MTARC2: variants seen among roughly 807,000 people sequenced by gnomAD.
The protein encoded by MTARC2 is MOCO sulphurase C-terminal domain containing 2.
A neutral mutation model predicts 35.6 loss-of-function variants in MTARC2; 27 were observed. That is an observed-to-expected ratio of 0.76 (90% CI 0.56 to 1.04). MTARC2 has a LOEUF of 1.04. Ranked by LOEUF, MTARC2 falls within the 50% of genes least tolerant of loss-of-function variation. The probability of loss-of-function intolerance (pLI) is 0.00; values close to 1 mark genes in which losing one functional copy is unlikely to be tolerated. For synonymous variants in MTARC2, 158 were observed against 167.1 expected, an observed-to-expected ratio of 0.95 and a Z score of 0.42; for missense variants, 412 against 432.5, an observed-to-expected ratio of 0.95 and a Z score of 0.42.
chr1:220,781,205 T>C (rs1278168437), intron 6 of MTARC2, among the ~76,000 whole-genome samples: 1 of 152,194 alleles, frequency 6.6e-6, no homozygotes, highest in Non-Finnish European at 1.5e-5. Flanking sequence ...CTATTTTGTT[T>C]TTGATTTTTA....
chr1:220,780,336 C>T (rs1349091886), intron 6 of MTARC2, 97 bp downstream of exon 6: 17 of 1,062,138 alleles, frequency 1.6e-5, no homozygotes, highest in Non-Finnish European at 2.0e-5. Context: ...GAAGATATGA[C>T]CTTTCTCTCC....
chr1:220,758,096 T>G (rs1282602181), intron 2 of MTARC2, among the ~76,000 whole-genome samples: 2 of 152,156 alleles, frequency 1.3e-5, no homozygotes, highest in Admixed American at 1.3e-4. Flanking sequence ...GTGATTCTCC[T>G]GCCTCAGCCT....
In MTARC2 at chr1:220,761,679, A is replaced by T. The variant is rs546603284; in HGVS notation, c.468A>T (p.Lys156Asn). 2.9e-5 allele frequency: 47 copies of T among 1,612,896 alleles called. No individual in the cohort carries two copies. Among genetic ancestry groups the T allele is most frequent in the Non-Finnish European group, 3.6e-5 (43 of 1,179,726 alleles). The change falls in exon 3 of 8, where the codon AAA becomes AAT. Residue 156 changes from lysine to asparagine, a missense_variant. Lys to Asn is a moderately conservative substitution (Grantham distance 94). Coordinates refer to ENST00000366913, the MANE Select transcript of MTARC2 (RefSeq NM_017898.5). ...HNCRIFGLDI[K>N]GRDCGNEAAK... ...CCAGGATATTTGGCCTTGACATTAAAGGCAGAGACTGTGGCAATGAGGCAG... is the reference window on the plus strand; with the variant it reads ...CCAGGATATTTGGCCTTGACATTAATGGCAGAGACTGTGGCAATGAGGCAG...
intron 7 of MTARC2, 114 bp from the exon 8 acceptor site, chr1:220,783,805 C>A (rs1672144822): frequency 2.8e-6 from 2 of 704,106 alleles, no homozygotes; most frequent in African/African-American, 1.8e-5. Flanking sequence ...CACAGCACTG[C>A]ACCATACATT....
At chr1:220,753,238 A>ATT (rs1671178736) in intron 1 of MTARC2, among the ~76,000 whole-genome samples, 2 of 149,098 alleles carry the variant, frequency 1.3e-5, no homozygotes, top group African/African-American at 2.5e-5. Context: ...AGAAAAAAAG[A>ATT]AAAAAAAAAG....
chr1:220,775,419 C>A (rs1164800853), intron 4 of MTARC2, among the ~76,000 whole-genome samples: 2 of 152,138 alleles, frequency 1.3e-5, no homozygotes, highest in Non-Finnish European at 2.9e-5. Context: ...CGGCAGACTG[C>A]GGAAAGGTTG....
At chr1:220,765,005 A>T (rs1405011521) in intron 4 of MTARC2, among the ~76,000 whole-genome samples, 1 of 152,130 alleles carries the variant, frequency 6.6e-6, no homozygotes, top group Non-Finnish European at 1.5e-5. Context: ...TGGCCAGGAG[A>T]CAATGACAGC....
At chr1:220,754,253 C>T (rs1363115525) in intron 1 of MTARC2, 4 of 451,960 alleles carry the variant, frequency 8.9e-6, no homozygotes, top group African/African-American at 6.0e-5. Flanking sequence ...CTCTTCAGCT[C>T]ATCCCATAGA....
intron 2 of MTARC2, among the ~76,000 whole-genome samples, chr1:220,759,589 A>T (rs1334399297): frequency 1.3e-5 from 2 of 152,036 alleles, no homozygotes; most frequent in African/African-American, 2.4e-5. Context: ...GGGTGGGTGG[A>T]GACTGTGAGT....
chr1:220,761,816 T>C lies in MTARC2; in HGVS notation c.605T>C (p.Phe202Ser). ...RKLLPTLDQN[F>S]QVAYPDYCPL... ...CTTCTCCCCACTCTTGATCAGAATTTCCAGGTGAGCTTACAGAGAGTTTAC... is the reference window on the plus strand; with the variant it reads ...CTTCTCCCCACTCTTGATCAGAATTCCCAGGTGAGCTTACAGAGAGTTTAC... The change falls in exon 3 of 8, where the codon TTC (phenylalanine) becomes TCC (serine). Residue 202 changes from phenylalanine (F) to serine (S), a missense_variant. Physicochemically the swap from Phe to Ser is radical, Grantham distance 155. Coordinates refer to ENST00000366913, the MANE Select transcript of MTARC2 (RefSeq NM_017898.5). 1 of 1,606,826 alleles carries C rather than the reference T, an allele frequency of 6.2e-7. No homozygotes were observed. Among genetic ancestry groups the C allele is most frequent in the Non-Finnish European group, 8.5e-7 (1 of 1,177,342 alleles).
intron 2 of MTARC2, among the ~76,000 whole-genome samples, chr1:220,758,309 T>C (rs1016197102): frequency 6.6e-6 from 1 of 151,804 alleles, no homozygotes; most frequent in Non-Finnish European, 1.5e-5. Context: ...CTTTCACTGT[T>C]AGTGTTTTGA....
intron 2 of MTARC2, among the ~76,000 whole-genome samples, chr1:220,758,477 T>C (rs1671343122): frequency 6.6e-6 from 1 of 151,504 alleles, no homozygotes; most frequent in Non-Finnish European, 1.5e-5. Context: ...TAGAGTGCGA[T>C]GGCACGATCT....
At chr1:220,766,423 AG>A (rs1671581842) in intron 4 of MTARC2, among the ~76,000 whole-genome samples, 1 of 152,190 alleles carries the variant, frequency 6.6e-6, no homozygotes, top group African/African-American at 2.4e-5. Flanking sequence ...CCTGGCAAAC[AG>A]CAAATGAAAT....
intron 4 of MTARC2, among the ~76,000 whole-genome samples, chr1:220,773,307 T>C (rs1671796173): frequency 6.6e-6 from 1 of 152,130 alleles, no homozygotes; most frequent in Non-Finnish European, 1.5e-5. Context: ...GGAGAACACA[T>C]TGAAGTTCTG....
rs777213689 is a variant in MTARC2, at chr1:220,755,099, C to T, written c.425C>T (p.Ser142Leu). Residue 142 changes from serine (S) to leucine (L), a missense_variant, in exon 2 of 8, where the codon TCA becomes TTA. Coordinates refer to ENST00000366913, the MANE Select transcript of MTARC2 (RefSeq NM_017898.5). ...QLVLPSKQPS[S>L]NKLHNCRIFG... ...GTTTTGCCTAGCAAGCAGCCTTCCTCAAACAAACTCCACAACTGCAGGTGT... is the reference window on the plus strand; with the variant it reads ...GTTTTGCCTAGCAAGCAGCCTTCCTTAAACAAACTCCACAACTGCAGGTGT... 2 of 1,609,150 alleles carry T rather than the reference C, an allele frequency of 1.2e-6. No homozygotes were observed. The highest frequency in any genetic ancestry group is 2.2e-5 in the South Asian group (2 of 90,176).
At chr1:220,763,919 A>G (rs1040514401) in intron 4 of MTARC2, among the ~76,000 whole-genome samples, 3 of 152,210 alleles carry the variant, frequency 2.0e-5, no homozygotes, top group Non-Finnish European at 2.9e-5. Context: ...AGAAATGGTG[A>G]CTGGCATTAG....
chr1:220,765,488 T>C lies in MTARC2; in HGVS notation c.750+2438T>C, dbSNP rs150863838. 1.2e-4 allele frequency among the ~76,000 whole-genome samples: 19 copies of C among 152,354 alleles called. No homozygotes were observed. The East Asian group carries it at 3.3e-3, about 26-fold the overall frequency. On this transcript the variant is annotated intron_variant, in intron 4 of 7. Transcript: ENST00000366913. Reference sequence around the variant, plus strand: ...TGTACAGTGTGCCAGGCACATATTATTCTGGCAACTCTCTTGAACACTCAT... The same window carrying C: ...TGTACAGTGTGCCAGGCACATATTACTCTGGCAACTCTCTTGAACACTCAT...
At position 220,752,626 on chromosome 1, in the gene MTARC2, G is replaced by A. The variant is rs541173122; in HGVS notation, c.273-2321G>A. 4.6e-5 allele frequency among the ~76,000 whole-genome samples: 7 copies of A among 152,234 alleles called. 1 individual carries two copies. The East Asian group carries it at 1.4e-3, about 29-fold the overall frequency. On this transcript the variant is annotated intron_variant, in intron 1 of 7. Coordinates refer to ENST00000366913, the MANE Select transcript of MTARC2 (RefSeq NM_017898.5). ...GGAGGCCAAGGAGGGAGGATTAATT[G>A]AGCCAGGAGTTCCAGACCAGCCAGG...
chr1:220,768,633 G>C (rs1359099494), intron 4 of MTARC2, among the ~76,000 whole-genome samples: 1 of 152,142 alleles, frequency 6.6e-6, no homozygotes. Flanking sequence ...ACTGTGGATG[G>C]GCTGGGGGGT....
Sources: allele counts gnomAD v4.1 joint callset (sites outside exome capture counted in the v4.1 genomes callset), GRCh38; gene constraint gnomAD v4.1.1; transcripts MANE v1.5; gene names NCBI Gene and HGNC (gene_info 2026-07-23, HGNC 2026-07-21).